The following BSPH1 variants were observed in gnomAD, a reference collection of about 807,000 sequenced individuals.
The protein encoded by BSPH1 is binder of sperm 1.
Under a neutral mutation model 22.5 loss-of-function variants are expected in BSPH1, and 21 were observed. The observed-to-expected ratio is 0.93, with a 90% CI of 0.66 to 1.35. The LOEUF (loss-of-function observed/expected upper bound fraction) is 1.35. Among genes scored for constraint, BSPH1 ranks in the 40% most tolerant of loss-of-function variants. BSPH1 has a pLI of 0.00. For synonymous variants in BSPH1, 42 were observed against 53.6 expected (o/e 0.78, Z 0.95); for missense variants, 141 against 154.2 (o/e 0.91, Z 0.45).
chr19:47,981,618 C>T (rs530173483), intron 1 of BSPH1: 77 of 294,454 alleles, frequency 2.6e-4, no homozygotes, highest in African/African-American at 1.4e-3. Context: ...TAGGAAGTAA[C>T]GGCCCAAACC....
chr19:47,988,735 C>T (rs886155697), intron 1 of BSPH1, among the ~76,000 whole-genome samples: 2 of 152,080 alleles, frequency 1.3e-5, no homozygotes, highest in Non-Finnish European at 2.9e-5. Context: ...TCTGGGTGCA[C>T]GAAGCATGTC....
At chr19:47,988,987 C>T (rs531799790) in intron 1 of BSPH1, among the ~76,000 whole-genome samples, 1 of 152,052 alleles carries the variant, frequency 6.6e-6, no homozygotes, top group South Asian at 2.1e-4. Context: ...CCTCTTCTGT[C>T]TTCCCACTAG....
intron 1 of BSPH1, among the ~76,000 whole-genome samples, chr19:47,986,438 T>C (rs193298848): frequency 6.6e-6 from 1 of 152,264 alleles, no homozygotes; most frequent in East Asian, 1.9e-4. Context: ...TCCTTGGTTT[T>C]GTGCTGTAGA....
In BSPH1 at chr19:47,991,705, TCTC is replaced by T. The variant is rs543235875; in HGVS notation, c.73+301_73+303del. On this transcript the variant is annotated intron_variant, in intron 1 of 5. Transcript: ENST00000344839. Reference sequence around the variant, plus strand: ...CTTCCTTCTCTTTCTCCCCTCCTCCTCTCCTCCTCCTTCTTCCTACTCTCCCTC... The same window carrying T: ...CTTCCTTCTCTTTCTCCCCTCCTCCTCTCCTCCTTCTTCCTACTCTCCCTC... Among the ~76,000 whole-genome samples the T allele has an allele frequency of 2.9e-4, 26 of 88,610 alleles. No individual in the cohort carries two copies. The East Asian group carries it at 8.6e-3, about 29-fold the overall frequency. The allele number at this position is 88,610 out of a possible 152,430, so 58.1% of individuals were successfully genotyped here.
At chr19:47,990,556 G>T (rs1339015010) in intron 1 of BSPH1, among the ~76,000 whole-genome samples, 1 of 151,502 alleles carries the variant, frequency 6.6e-6, no homozygotes, top group Admixed American at 6.6e-5. Context: ...GAAAGCAGTG[G>T]TCATAGTTAC....
Position 47,977,242 on chromosome 19 carries a change from C to T in BSPH1, c.256+131G>A, listed in dbSNP as rs1188595847. On this transcript the variant is annotated intron_variant, in intron 4 of 5. Transcript: ENST00000344839. ...ATGTGATTTTTATATCGTCAGAAATCGAACATCCTTTATTTTCACAACTTA... is the reference window on the plus strand; with the variant it reads ...ATGTGATTTTTATATCGTCAGAAATTGAACATCCTTTATTTTCACAACTTA... The T allele has an allele frequency of 9.1e-6, 6 of 660,384 alleles. No homozygotes were observed. The East Asian group carries it at 1.1e-4, about 12-fold the overall frequency. The allele number at this position is 660,384 out of a possible 1,614,324, so 40.9% of individuals were successfully genotyped here. A position where few individuals can be genotyped will look rare whatever the true frequency, so the allele number is the denominator to read the frequency against.
intron 1 of BSPH1, among the ~76,000 whole-genome samples, chr19:47,983,449 A>T (rs114465079): frequency 0.013 from 1,916 of 152,282 alleles, 43 homozygotes; most frequent in African/African-American, 0.044. Flanking sequence ...ATGAATGGGG[A>T]GATACAGACG....
At chr19:47,988,842 G>A (rs1250207369) in intron 1 of BSPH1, among the ~76,000 whole-genome samples, 1 of 152,074 alleles carries the variant, frequency 6.6e-6, no homozygotes, top group Non-Finnish European at 1.5e-5. Context: ...TTACATGTTG[G>A]ACATGGCAAA....
intron 5 of BSPH1, among the ~76,000 whole-genome samples, chr19:47,973,697 A>G (rs971979818): frequency 6.6e-6 from 1 of 152,180 alleles, no homozygotes; most frequent in African/African-American, 2.4e-5. Context: ...GGGTATTACA[A>G]GAGAAATAAG....
chr19:47,980,466 T>C, intron 2 of BSPH1: 3 of 290,496 alleles, frequency 1.0e-5, no homozygotes, highest in Non-Finnish European at 1.5e-5. Flanking sequence ...ATTTATCTCC[T>C]CTTCTTCTTT....
chr19:47,974,269 C>CTTTTT (rs558434334), intron 5 of BSPH1, among the ~76,000 whole-genome samples: 3 of 75,994 alleles, frequency 3.9e-5, no homozygotes, highest in Non-Finnish European at 5.3e-5. Flanking sequence ...CTCTCTCTCT[C>CTTTTT]TTTTTTTTTT....
intron 2 of BSPH1, chr19:47,980,578 C>T (rs1466379253): frequency 6.6e-6 from 1 of 152,354 alleles, no homozygotes; most frequent in East Asian, 2.0e-4. Flanking sequence ...ACGCCATTCT[C>T]TTGCCTCAGC....
chr19:47,976,625 G>C, intron 5 of BSPH1, 85 bp downstream of exon 5: 3 of 908,150 alleles, frequency 3.3e-6, no homozygotes, highest in Non-Finnish European at 3.3e-6. Flanking sequence ...AATGAGAAAG[G>C]GTTCTCCTCT....
chr19:47,976,590 A>C lies in BSPH1; in HGVS notation c.*2+120T>G, dbSNP rs921217248. 1.4e-4 allele frequency: 93 copies of C among 677,470 alleles called. 6 individuals carry two copies. Among genetic ancestry groups the C allele is most frequent in the Admixed American group, 7.9e-4 (23 of 28,970 alleles). The allele number at this position is 677,470 out of a possible 1,614,324, so 42.0% of individuals were successfully genotyped here. On this transcript the variant is annotated intron_variant, in intron 5 of 5. Transcript: ENST00000344839. ...CTTCAACTCACATCCCAGAAAAAAA[A>C]AAAAAACAAAAAAAAACCCTCTCTA...
Position 47,981,172 on chromosome 19 carries a change from A to G in BSPH1, c.74-231T>C, listed in dbSNP as rs185062929. 1.3e-3 allele frequency among the ~76,000 whole-genome samples: 205 copies of G among 152,324 alleles called. 1 individual carries two copies. The highest frequency in any genetic ancestry group is 3.3e-3 in the Admixed American group (51 of 15,296). Reference sequence around the variant, plus strand: ...GATAGGAATGATTAAAATTATTTTTAAAACAAAAAATTCAGCAGGCAAAGG... The same window carrying G: ...GATAGGAATGATTAAAATTATTTTTGAAACAAAAAATTCAGCAGGCAAAGG... On this transcript the variant is annotated intron_variant, in intron 1 of 5. Transcript: ENST00000344839.
chr19:47,979,719 C>A (rs1969400667), intron 2 of BSPH1, 120 bp from the exon 3 acceptor site: 1 of 448,208 alleles, frequency 2.2e-6, no homozygotes, highest in Admixed American at 4.4e-5. Context: ...ATTGTTATGG[C>A]ATTATGTTTT....
intron 1 of BSPH1, among the ~76,000 whole-genome samples, chr19:47,987,472 A>C (rs1297649893): frequency 6.7e-6 from 1 of 149,884 alleles, no homozygotes; most frequent in Non-Finnish European, 1.5e-5. Flanking sequence ...TGCAGGCTTG[A>C]CTTCCCAGGC....
chr19:47,988,172 A>G (rs1969488479), intron 1 of BSPH1, among the ~76,000 whole-genome samples: 1 of 152,186 alleles, frequency 6.6e-6, no homozygotes, highest in African/African-American at 2.4e-5. Context: ...TTGTATGAGA[A>G]GTTTAAAGTA....
At chr19:47,984,870 T>C (rs1462767049) in intron 1 of BSPH1, among the ~76,000 whole-genome samples, 1 of 150,116 alleles carries the variant, frequency 6.7e-6, no homozygotes, top group African/African-American at 2.5e-5. Flanking sequence ...AGGTCAGGAG[T>C]TCAAGACCAG....
Sources: gnomAD v4.1 joint callset for allele counts (sites outside exome capture counted in the v4.1 genomes callset) on GRCh38, gnomAD v4.1.1 for gene constraint, MANE v1.5 for transcripts, NCBI Gene and HGNC (gene_info 2026-07-23, HGNC 2026-07-21) for gene names.